DOCK8: variants seen among roughly 807,000 people sequenced by gnomAD.
The protein encoded by DOCK8 is dedicator of cytokinesis protein 8.
A neutral mutation model predicts 245.6 loss-of-function variants in DOCK8; 141 were observed. That is an observed-to-expected ratio of 0.57 (90% CI 0.50 to 0.66). DOCK8 has a LOEUF of 0.66. DOCK8 is among the 30% of genes least tolerant of loss of function. DOCK8 has a pLI of 0.00. For missense variants in DOCK8, 2,965 were observed against 2,603.4 expected (o/e 1.14, Z -3.02); for synonymous variants, 1,168 against 970.2 (o/e 1.20, Z -3.79).
chr9:351,605 G>GAGC (rs1228725477), intron 14 of DOCK8, among the ~76,000 whole-genome samples: 31 of 152,348 alleles, frequency 2.0e-4, no homozygotes, highest in African/African-American at 6.3e-4. Flanking sequence ...TGTGCAGGTA[G>GAGC]AGCAGCAGGC....
At chr9:385,986 G>A (rs7847076) in intron 22 of DOCK8, among the ~76,000 whole-genome samples, 16,871 of 152,050 alleles carry the variant, frequency 0.11, 3,137 homozygotes, top group African/African-American at 0.39. Context: ...GTGCAGTACC[G>A]TACTAAACCA....
intron 21 of DOCK8, chr9:381,047 G>C (rs1448126626): frequency 6.6e-6 from 1 of 152,522 alleles, no homozygotes; most frequent in African/African-American, 2.4e-5. Context: ...GCTGCAGTGA[G>C]CTATGATTGC....
chr9:278,324 C>T (rs1440473877), intron 2 of DOCK8, among the ~76,000 whole-genome samples: 1 of 152,238 alleles, frequency 6.6e-6, no homozygotes, highest in Non-Finnish European at 1.5e-5. Flanking sequence ...TTCGATATCA[C>T]AGAAGCTAGA....
chr9:388,566 T>C (rs1179818363), intron 23 of DOCK8, among the ~76,000 whole-genome samples: 1 of 151,600 alleles, frequency 6.6e-6, no homozygotes, highest in Non-Finnish European at 1.5e-5. Context: ...TTTTTTTTTT[T>C]TTGAAACAGA....
At chr9:231,446 T>G (rs1458473435) in intron 1 of DOCK8, among the ~76,000 whole-genome samples, 1 of 152,180 alleles carries the variant, frequency 6.6e-6, no homozygotes, top group Non-Finnish European at 1.5e-5. Context: ...AAGAACGTCA[T>G]TGGTAGCTTG....
upstream of DOCK8, among the ~76,000 whole-genome samples, chr9:212,073 C>T (rs2131298962): frequency 6.6e-6 from 1 of 152,296 alleles, no homozygotes; most frequent in East Asian, 1.9e-4. Context: ...GGTCAAGTCA[C>T]TTAACTTCTC....
chr9:306,962 G>A (rs960714921), intron 5 of DOCK8, among the ~76,000 whole-genome samples: 1 of 152,186 alleles, frequency 6.6e-6, no homozygotes, highest in African/African-American at 2.4e-5. Flanking sequence ...CCTCACAGGA[G>A]GAGAAATTGC....
At chr9:384,479 C>T (rs1382638500) in intron 22 of DOCK8, among the ~76,000 whole-genome samples, 2 of 152,172 alleles carry the variant, frequency 1.3e-5, no homozygotes, top group African/African-American at 2.4e-5. Context: ...ATCTGCAGGC[C>T]AGGGTTTGGG....
chr9:231,197 G>A (rs201096398), intron 1 of DOCK8, among the ~76,000 whole-genome samples: 4 of 151,840 alleles, frequency 2.6e-5, no homozygotes, highest in Admixed American at 2.0e-4. Context: ...GGTTTGTCAA[G>A]GATCAGATAG....
chr9:403,275 G>A (rs2055199749), intron 26 of DOCK8, among the ~76,000 whole-genome samples: 1 of 152,166 alleles, frequency 6.6e-6, no homozygotes, highest in Non-Finnish European at 1.5e-5. Context: ...TGTGTTGTGG[G>A]TTCAAGTTCC....
intron 24 of DOCK8, among the ~76,000 whole-genome samples, chr9:393,085 CAAAAAAAAA>C (rs1159933739): frequency 2.2e-4 from 10 of 44,748 alleles, no homozygotes; most frequent in East Asian, 3.2e-3. Context: ...GACCCTGTCT[CAAAAAAAAA>C]AAAAAAAAAA....
chr9:436,783 T>TA (rs2131772857), intron 39 of DOCK8, among the ~76,000 whole-genome samples: 1 of 152,362 alleles, frequency 6.6e-6, no homozygotes, highest in Admixed American at 6.5e-5. Context: ...ATTTATTGAA[T>TA]ACTTATTCTG....
intron 2 of DOCK8, among the ~76,000 whole-genome samples, chr9:274,614 G>C (rs147627905): frequency 1.3e-5 from 2 of 151,668 alleles, no homozygotes; most frequent in African/African-American, 4.8e-5. Context: ...CCCGAATGAA[G>C]GTTCCCCAAA....
chr9:414,691 T>C (rs966790165), intron 28 of DOCK8, 91 bp from the exon 29 acceptor site: 2 of 1,511,582 alleles, frequency 1.3e-6, no homozygotes, highest in African/African-American at 2.7e-5. Flanking sequence ...CCTCATTGCT[T>C]AGGAGCGTTT....
intron 26 of DOCK8, among the ~76,000 whole-genome samples, chr9:400,013 T>C (rs111988461): frequency 0.021 from 944 of 45,164 alleles, 19 homozygotes; most frequent in African/African-American, 0.065. Context: ...ACCTCCACCA[T>C]CACCACCACC....
intron 2 of DOCK8, 146 bp downstream of exon 2, chr9:271,875 A>C (rs997642521): frequency 3.0e-6 from 2 of 659,954 alleles, no homozygotes; most frequent in African/African-American, 3.7e-5. Context: ...GTGTCTGGAC[A>C]TCAGACAATA....
intron 38 of DOCK8, 56 bp from the exon 39 acceptor site, chr9:434,727 A>T: frequency 1.3e-6 from 2 of 1,555,104 alleles, no homozygotes; most frequent in South Asian, 1.1e-5. Context: ...AAAGTAGAAG[A>T]ACAGTGTCAT....
At chr9:287,297 T>A (rs2048861848) in intron 3 of DOCK8, among the ~76,000 whole-genome samples, 1 of 152,208 alleles carries the variant, frequency 6.6e-6, no homozygotes, top group Non-Finnish European at 1.5e-5. Context: ...GGGCATTAGT[T>A]TTTGGCATCA....
At position 286,683 on chromosome 9, in the gene DOCK8, G is replaced by A. The variant is rs765259189; in HGVS notation, c.332+47G>A. On this transcript the variant is annotated intron_variant, in intron 3 of 47. Coordinates refer to ENST00000432829, the MANE Select transcript of DOCK8 (RefSeq NM_203447.4). The stretch of plus-strand genomic sequence containing the variant: ...AGATGTGATTGGGATTGTCATGATT[G>A]TTTTCAATAAGTGGGTAGGGGAGAT... The A allele has an allele frequency of 2.5e-6, 4 of 1,589,940 alleles. No homozygotes were observed. In the African/African-American group the frequency reaches 4.0e-5, roughly 16 times the overall value.
Sources: allele counts gnomAD v4.1 joint callset (sites outside exome capture counted in the v4.1 genomes callset), GRCh38; gene constraint gnomAD v4.1.1; transcripts MANE v1.5; gene names NCBI Gene and HGNC (gene_info 2026-07-23, HGNC 2026-07-21).